The following PRKCB variants were observed in gnomAD, a reference collection of about 807,000 sequenced individuals.
PRKCB encodes protein kinase C beta.
Under a neutral mutation model 81.5 loss-of-function variants are expected in PRKCB, and 13 were observed. That is an observed-to-expected ratio of 0.16 (90% CI 0.10 to 0.25). The LOEUF (loss-of-function observed/expected upper bound fraction) is 0.25. PRKCB is among the 10% of genes least tolerant of loss of function. The probability of loss-of-function intolerance (pLI) is 1.00; values close to 1 mark genes in which losing one functional copy is unlikely to be tolerated. For missense variants in PRKCB, 509 were observed against 875.7 expected (o/e 0.58, Z 5.29); for synonymous variants, 335 against 321.4 (o/e 1.04, Z -0.45).
intron 9 of PRKCB, among the ~76,000 whole-genome samples, chr16:24,129,584 A>T (rs1884626987): frequency 6.6e-6 from 1 of 151,694 alleles, no homozygotes; most frequent in South Asian, 2.1e-4. Flanking sequence ...TCTACCTATC[A>T]TCTTTCTGTT....
At position 24,215,278 on chromosome 16, in the gene PRKCB, T is replaced by C; in HGVS notation, c.*462T>C. The C allele has an allele frequency of 1.0e-6, 1 of 987,774 alleles. No homozygotes were observed. Among genetic ancestry groups the C allele is most frequent in the Non-Finnish European group, 1.2e-6 (1 of 831,128 alleles). 61.2% of individuals were successfully genotyped at this position (987,774 alleles called of 1,614,324 possible). A position where few individuals can be genotyped will look rare whatever the true frequency, so the allele number is the denominator to read the frequency against. The stretch of plus-strand genomic sequence containing the variant: ...AGAGGAATCCCTCTATTTCACCTGT[T>C]CTGGAGGCACCAGACCTTGAAAAGA... On this transcript the variant is annotated 3_prime_UTR_variant, in exon 17 of 17. Transcript: ENST00000643927.
chr16:24,088,709 T>A (rs1966338113), intron 5 of PRKCB, among the ~76,000 whole-genome samples: 1 of 108,728 alleles, frequency 9.2e-6, no homozygotes, highest in South Asian at 2.8e-4. Flanking sequence ...AGCGAGACCC[T>A]GTGTCAAAAA....
At chr16:24,009,604 A>T (rs567450334) in intron 3 of PRKCB, among the ~76,000 whole-genome samples, 43 of 134,044 alleles carry the variant, frequency 3.2e-4, no homozygotes, top group African/African-American at 1.1e-3. Flanking sequence ...TTTTTTTTTA[A>T]AAAAGACAAG....
intron 2 of PRKCB, among the ~76,000 whole-genome samples, chr16:23,981,508 C>G (rs959074067): frequency 2.7e-5 from 4 of 148,526 alleles, no homozygotes; most frequent in East Asian, 4.2e-4. Context: ...GTCAGGGGGT[C>G]GGGGGTAGGG....
rs554147262 is a variant in PRKCB, at chr16:24,183,331, A to AT, written c.1534-1773dup. ...AACATATTTATTGTCTCACATACTT[A>AT]TTTTTTTATGGTAAAAACACTTAAA... On this transcript the variant is annotated intron_variant, in intron 13 of 16. Transcript: ENST00000643927. 1.6e-4 allele frequency among the ~76,000 whole-genome samples: 24 copies of AT among 152,274 alleles called. No individual in the cohort carries two copies. The East Asian group carries it at 3.9e-3, about 25-fold the overall frequency.
chr16:24,097,702 A>G (rs976659776), intron 7 of PRKCB, among the ~76,000 whole-genome samples: 4 of 152,204 alleles, frequency 2.6e-5, no homozygotes, highest in Non-Finnish European at 4.4e-5. Context: ...AGGGAGACGT[A>G]AGACATCAAT....
intron 7 of PRKCB, among the ~76,000 whole-genome samples, chr16:24,112,305 G>C (rs548453579): frequency 2.0e-5 from 3 of 152,268 alleles, no homozygotes; most frequent in African/African-American, 7.2e-5. Context: ...AGGGTGAGAA[G>C]ATCACTTGAG....
intron 5 of PRKCB, among the ~76,000 whole-genome samples, chr16:24,063,531 G>GT (rs1965998363): frequency 6.6e-6 from 1 of 152,140 alleles, no homozygotes; most frequent in African/African-American, 2.4e-5. Context: ...CTGACCTCAT[G>GT]TGATCCGCCC....
At chr16:23,975,024 G>C (rs1413013287) in intron 2 of PRKCB, among the ~76,000 whole-genome samples, 1 of 152,214 alleles carries the variant, frequency 6.6e-6, no homozygotes, top group African/African-American at 2.4e-5. Context: ...GCATACCGTG[G>C]AGAAAGGATG....
chr16:23,998,364 GA>G (rs1786965190), intron 3 of PRKCB, among the ~76,000 whole-genome samples: 1 of 152,108 alleles, frequency 6.6e-6, no homozygotes, highest in African/African-American at 2.4e-5. Flanking sequence ...TCACGTTATT[GA>G]TTTTTTTTTG....
At chr16:24,035,663 G>T (rs552637200) in intron 5 of PRKCB, 116 bp downstream of exon 5, 6 of 1,091,982 alleles carry the variant, frequency 5.5e-6, no homozygotes, top group Non-Finnish European at 7.7e-6. Context: ...GTCCAGGGAC[G>T]GGGAGGGGGT....
chr16:23,889,188 T>C (rs112892760), intron 2 of PRKCB, among the ~76,000 whole-genome samples: 10,233 of 151,558 alleles, frequency 0.068, 1,137 homozygotes, highest in African/African-American at 0.23. Context: ...CCACATTCAA[T>C]GTAGTGTAAT....
Position 24,217,679 on chromosome 16 carries a change from T to C in PRKCB, c.*2863T>C, listed in dbSNP as rs1291433889. Reference sequence around the variant, plus strand: ...CAGCACAACAAACGGGGCAGGGCTTTCCAAGGTGGGGCTGGTCAGAAGGGA... The same window carrying C: ...CAGCACAACAAACGGGGCAGGGCTTCCCAAGGTGGGGCTGGTCAGAAGGGA... On this transcript the variant is annotated 3_prime_UTR_variant, in exon 17 of 17. Transcript: ENST00000643927. The C allele has an allele frequency of 7.9e-5, 78 of 985,472 alleles. No homozygotes were observed. Among genetic ancestry groups the C allele is most frequent in the Non-Finnish European group, 9.2e-5 (76 of 830,074 alleles). 61.0% of individuals were successfully genotyped at this position (985,472 alleles called of 1,614,324 possible).
At chr16:23,984,000 G>A (rs142341855) in intron 2 of PRKCB, among the ~76,000 whole-genome samples, 172 of 152,268 alleles carry the variant, frequency 1.1e-3, no homozygotes, top group African/African-American at 3.8e-3. Context: ...CTGGGTCAAA[G>A]AATAAATTAA....
intron 2 of PRKCB, among the ~76,000 whole-genome samples, chr16:23,878,058 T>A (rs1963045698): frequency 6.6e-6 from 1 of 152,178 alleles, no homozygotes; most frequent in Non-Finnish European, 1.5e-5. Context: ...GGTCTTGAAC[T>A]CCTGACCTCA....
At chr16:23,871,767 A>T (rs1008550450) in intron 2 of PRKCB, among the ~76,000 whole-genome samples, 10 of 151,704 alleles carry the variant, frequency 6.6e-5, no homozygotes, top group Admixed American at 5.2e-4. Context: ...TAGTAGAGAC[A>T]GGGTTTCATC....
rs1367675597 is a variant in PRKCB at position 23,899,813 on chromosome 16, ATTT to A, written c.205+62408_205+62410del. ...CCACCAGGCCCAGCAAATAAAATTT[ATTT>A]ATTTATTTATTTATTTATTTATTTA... On this transcript the variant is annotated intron_variant, in intron 2 of 16. Transcript: ENST00000643927. Among the ~76,000 whole-genome samples, 9 of 33,016 alleles carry A rather than the reference ATTT, an allele frequency of 2.7e-4. 3 individuals are homozygous for A. Among genetic ancestry groups the A allele is most frequent in the African/African-American group, 2.0e-3 (9 of 4,596 alleles). The allele number at this position is 33,016 out of a possible 152,430, so 21.7% of individuals were successfully genotyped here.
chr16:24,108,288 T>A (rs1325635053), intron 7 of PRKCB, among the ~76,000 whole-genome samples: 5 of 147,960 alleles, frequency 3.4e-5, no homozygotes, highest in East Asian at 1.9e-4. Context: ...TATTTATTTT[T>A]TTTATTATTT....
intron 5 of PRKCB, among the ~76,000 whole-genome samples, chr16:24,061,441 G>A (rs1024141289): frequency 3.3e-5 from 5 of 152,152 alleles, no homozygotes; most frequent in African/African-American, 1.2e-4. Flanking sequence ...TCAGAGTTGT[G>A]ATTAGAGAAT....
Sources: gnomAD v4.1 joint callset for allele counts (sites outside exome capture counted in the v4.1 genomes callset) on GRCh38, gnomAD v4.1.1 for gene constraint, MANE v1.5 for transcripts, NCBI Gene and HGNC (gene_info 2026-07-23, HGNC 2026-07-21) for gene names.